ELAVL4: variants seen among roughly 807,000 people sequenced by gnomAD.
ELAVL4 encodes ELAV-like protein 4.
A neutral mutation model predicts 35.6 loss-of-function variants in ELAVL4; 1 was observed. That is an observed-to-expected ratio of 0.03 (90% CI 0.01 to 0.13). The LOEUF (loss-of-function observed/expected upper bound fraction) is 0.13, where lower values mean the gene tolerates loss of function less well. Among genes scored for constraint, ELAVL4 ranks in the 10% least tolerant of loss-of-function variants. The probability of loss-of-function intolerance (pLI) is 1.00; values close to 1 mark genes in which losing one functional copy is unlikely to be tolerated. For missense variants in ELAVL4, 267 were observed against 464.9 expected (o/e 0.57, Z 3.91); for synonymous variants, 156 against 171.0 (o/e 0.91, Z 0.69).
chr1:50,048,608 G>A (rs953716056), intron 1 of ELAVL4, among the ~76,000 whole-genome samples: 1 of 152,150 alleles, frequency 6.6e-6, no homozygotes, highest in Non-Finnish European at 1.5e-5. Context: ...AAAAGTCCAG[G>A]CAGCTTCGGG....
Position 50,077,541 on chromosome 1 carries a change from A to C in ELAVL4, c.18+29359A>C, listed in dbSNP as rs967410612. 2.0e-5 allele frequency among the ~76,000 whole-genome samples: 3 copies of C among 152,328 alleles called. No individual in the cohort carries two copies. The East Asian group carries it at 5.8e-4, about 29-fold the overall frequency. On this transcript the variant is annotated intron_variant, in intron 1 of 6. Coordinates refer to the ELAVL4 transcript ENST00000448907. ...CTAGGGAGGGCAAATGACTTTATTCAGTCTACTGAGCCAAATGTTAATCTC... is the reference window on the plus strand; with the variant it reads ...CTAGGGAGGGCAAATGACTTTATTCCGTCTACTGAGCCAAATGTTAATCTC...
intron 1 of ELAVL4, among the ~76,000 whole-genome samples, chr1:50,138,213 A>G (rs1018825193): frequency 6.6e-6 from 1 of 152,100 alleles, no homozygotes; most frequent in East Asian, 1.9e-4. Flanking sequence ...TCCTATCAAG[A>G]AGTGAAAGAG....
intron 1 of ELAVL4, among the ~76,000 whole-genome samples, chr1:50,090,328 T>G (rs1180260677): frequency 6.6e-6 from 1 of 152,174 alleles, no homozygotes; most frequent in Non-Finnish European, 1.5e-5. Context: ...ACACTACTCT[T>G]TTTCACTTTT....
In ELAVL4 at chr1:50,201,714, TA is replaced by T. The variant is rs1227068301; in HGVS notation, c.*541del. The T allele has an allele frequency of 3.3e-5, 5 of 151,948 alleles. No homozygotes were observed. The highest frequency in any genetic ancestry group is 6.5e-5 in the Admixed American group (1 of 15,274). 9.4% of individuals were successfully genotyped at this position (151,948 alleles called of 1,614,324 possible). A position where few individuals can be genotyped will look rare whatever the true frequency, so the allele number is the denominator to read the frequency against. On this transcript the variant is annotated 3_prime_UTR_variant, in exon 7 of 7. Transcript: ENST00000371824. The surrounding 1 kb of genome is among the most constrained non-coding windows in gnomAD (Gnocchi z 4.3). ...CCCCACACAAATTAAAGAGGAATAA[TA>T]AAAATTGCAAAAATAAAAAAAAACT...
In ELAVL4 at chr1:50,201,066, C is replaced by G; in HGVS notation, c.989C>G (p.Thr330Ser). ...AAGTGCAAGGGATTCGGCTTTGTCA[C>G]CATGACCAACTATGATGAGGCGGCC... is the stretch of plus-strand genomic sequence containing the variant. The part of the protein sequence containing the change: ...TNKCKGFGFV[T>S]MTNYDEAAMA... The change falls in exon 7 of 7, where the codon ACC becomes AGC. Residue 330 changes from threonine (T) to serine (S), a missense_variant. This residue lies in a region of ELAVL4 where 216 missense variants were observed against 409.5 expected (regional missense o/e 0.53). Coordinates refer to ENST00000371824, the MANE Select transcript of ELAVL4 (RefSeq NM_001144774.3). This position sits in a 1 kb window ranked among gnomAD's most constrained non-coding sequence, Gnocchi z 4.3. 7 of 1,614,116 alleles carry G rather than the reference C, an allele frequency of 4.3e-6. No individual in the cohort carries two copies. Among genetic ancestry groups the G allele is most frequent in the Non-Finnish European group, 5.9e-6 (7 of 1,179,994 alleles).
chr1:50,094,981 G>A (rs1332537816), intron 1 of ELAVL4, among the ~76,000 whole-genome samples: 1 of 152,100 alleles, frequency 6.6e-6, no homozygotes, highest in Non-Finnish European at 1.5e-5. Flanking sequence ...GATTAATTGT[G>A]AAGCATTCAG....
chr1:50,152,635 A>G (rs1443151694), intron 2 of ELAVL4, among the ~76,000 whole-genome samples: 1 of 152,198 alleles, frequency 6.6e-6, no homozygotes. Context: ...TGTGAGGTGT[A>G]GTAGTGGTGA....
intron 2 of ELAVL4, among the ~76,000 whole-genome samples, chr1:50,166,210 T>C (rs1677895432): frequency 6.6e-6 from 1 of 152,066 alleles, no homozygotes; most frequent in Non-Finnish European, 1.5e-5. Context: ...CCATCACAGG[T>C]CCACCCCTTG....
intron 3 of ELAVL4, among the ~76,000 whole-genome samples, chr1:50,189,623 T>G (rs1360137074): frequency 6.6e-6 from 1 of 152,182 alleles, no homozygotes. Flanking sequence ...GTTTGTTTTT[T>G]GGGGGTTTTT....
chr1:50,195,648 G>C lies in ELAVL4; in HGVS notation c.596G>C (p.Ser199Thr), dbSNP rs1211106652. 6.2e-7 allele frequency: 1 copy of C among 1,614,192 alleles called. No homozygotes were observed. Among genetic ancestry groups the C allele is most frequent in the South Asian group, 1.1e-5 (1 of 91,084 alleles). ...AAAGGGCTGAATGGCCAGAAGCCCA[G>C]CGGTGCTACGGAACCGATTACTGTG... The part of the protein sequence containing the change: ...AIKGLNGQKP[S>T]GATEPITVKF... Residue 199 changes from serine to threonine, a missense_variant, in exon 5 of 7, where the codon AGC becomes ACC. Physicochemically the swap from Ser to Thr is moderately conservative, Grantham distance 58 (BLOSUM62 1). Around this residue, in one of 2 missense-constraint regions of ELAVL4, gnomAD observed 216 missense variants for 409.5 expected, o/e 0.53. Coordinates refer to ENST00000371824, the MANE Select transcript of ELAVL4 (RefSeq NM_001144774.3).
chr1:50,050,418 T>TG (rs1663291543), intron 1 of ELAVL4, among the ~76,000 whole-genome samples: 1 of 152,236 alleles, frequency 6.6e-6, no homozygotes, highest in Non-Finnish European at 1.5e-5. Context: ...TATATCCATT[T>TG]GTCAAAACTC....
At chr1:50,084,060 C>A (rs866003603) in intron 1 of ELAVL4, among the ~76,000 whole-genome samples, 1 of 152,046 alleles carries the variant, frequency 6.6e-6, no homozygotes, top group African/African-American at 2.4e-5. Flanking sequence ...CTTAACACAG[C>A]GTAATTAATT....
At chr1:50,127,797 G>A (rs1670194989) in intron 1 of ELAVL4, among the ~76,000 whole-genome samples, 2 of 152,154 alleles carry the variant, frequency 1.3e-5, no homozygotes, top group South Asian at 4.2e-4. Flanking sequence ...ATTTAAACCT[G>A]GGCAGTCAAG....
At chr1:50,070,385 A>G (rs964218189) in intron 1 of ELAVL4, among the ~76,000 whole-genome samples, 1 of 152,208 alleles carries the variant, frequency 6.6e-6, no homozygotes, top group Non-Finnish European at 1.5e-5. Flanking sequence ...TCCCTGCCTC[A>G]TCATTTTCAT....
Position 50,141,426 on chromosome 1 carries a change from A to G in ELAVL4, c.10-3531A>G, listed in dbSNP as rs976365168. ...ATAAATTCTGATTTTCATGTTCATT[A>G]TCGAGTTGGCAGTGCTTCTTATGTT... is the stretch of plus-strand genomic sequence containing the variant. On this transcript the variant is annotated intron_variant, in intron 1 of 6. Transcript: ENST00000371824. Among the ~76,000 whole-genome samples the G allele has an allele frequency of 3.9e-5, 6 of 152,156 alleles. No individual in the cohort carries two copies. In the East Asian group the frequency reaches 9.6e-4, roughly 24 times the overall value.
rs1228385972 is a variant in ELAVL4, at chr1:50,202,086, A to C, written c.*908A>C. 1 of 152,132 alleles carries C rather than the reference A, an allele frequency of 6.6e-6. No homozygotes were observed. The highest frequency in any genetic ancestry group is 1.5e-5 in the Non-Finnish European group (1 of 68,008). 9.4% of individuals were successfully genotyped at this position (152,132 alleles called of 1,614,324 possible). Reference sequence around the variant, plus strand: ...GGATTCGTAGACTGTTTTTTGAAGGATGGGCTATAAACAGATGATCTTCAT... The same window carrying C: ...GGATTCGTAGACTGTTTTTTGAAGGCTGGGCTATAAACAGATGATCTTCAT... On this transcript the variant is annotated 3_prime_UTR_variant, in exon 7 of 7. Transcript: ENST00000371824.
intron 1 of ELAVL4, among the ~76,000 whole-genome samples, chr1:50,055,038 T>C (rs1663582790): frequency 6.6e-6 from 1 of 152,236 alleles, no homozygotes; most frequent in Non-Finnish European, 1.5e-5. Context: ...TCTCAAGATC[T>C]AGGGCTGGGT....
chr1:50,093,801 A>T (rs553510575), intron 1 of ELAVL4, among the ~76,000 whole-genome samples: 1 of 152,354 alleles, frequency 6.6e-6, no homozygotes, highest in East Asian at 1.9e-4. Context: ...CTTAATTCAA[A>T]GTGATGATTG....
At chr1:50,200,307 T>A (rs1424689589) in intron 6 of ELAVL4, among the ~76,000 whole-genome samples, 4 of 145,892 alleles carry the variant, frequency 2.7e-5, no homozygotes, top group African/African-American at 1.0e-4. Flanking sequence ...AATCTGCCTT[T>A]AAAAAAAAAA....
Sources: gnomAD v4.1 joint callset for allele counts (sites outside exome capture counted in the v4.1 genomes callset) on GRCh38, gnomAD v4.1.1 for gene constraint, gnomAD v4.1.1 regional missense constraint, Gnocchi (gnomAD v3.1) non-coding constraint, MANE v1.5 for transcripts, NCBI Gene and HGNC (gene_info 2026-07-23, HGNC 2026-07-21) for gene names.